CEP83: variants seen among roughly 807,000 people sequenced by gnomAD.
The protein encoded by CEP83 is centrosomal protein of 83 kDa.
Under a neutral mutation model 101.9 loss-of-function variants are expected in CEP83, and 70 were observed. The ratio of observed to expected loss-of-function variants is 0.69; its 90% confidence interval spans 0.57 to 0.84. CEP83 has a LOEUF of 0.84. Ranked by LOEUF, CEP83 falls within the 40% of genes least tolerant of loss-of-function variation. The pLI, the probability that CEP83 is intolerant of heterozygous loss-of-function variation, is 0.00. For synonymous variants in CEP83, 264 were observed against 267.9 expected, an observed-to-expected ratio of 0.99 and a Z score of 0.14; for missense variants, 715 against 787.2, an observed-to-expected ratio of 0.91 and a Z score of 1.10.
chr12:94,404,759 TAA>T (rs1209633535), intron 4 of CEP83, among the ~76,000 whole-genome samples: 4 of 152,218 alleles, frequency 2.6e-5, no homozygotes, highest in Non-Finnish European at 2.9e-5. Context: ...AACAAAAGAC[TAA>T]AAAGTCTTCT....
chr12:94,333,652 GA>G lies in CEP83; in HGVS notation c.1420-14del, dbSNP rs753878262. 2 of 1,608,054 alleles carry G rather than the reference GA, an allele frequency of 1.2e-6. No homozygotes were observed. The highest frequency in any genetic ancestry group is 1.7e-5 in the Admixed American group (1 of 58,658). On this transcript the variant is annotated splice_polypyrimidine_tract_variant and intron_variant, in intron 12 of 16. Coordinates refer to ENST00000397809, the MANE Select transcript of CEP83 (RefSeq NM_016122.3). ...AACTACTGATTTGCTTAAAAGAGAA[GA>G]AAGAAGATAAATTAAAGCCCACTAA...
intron 6 of CEP83, among the ~76,000 whole-genome samples, chr12:94,386,242 T>C (rs921877088): frequency 1.3e-5 from 2 of 152,212 alleles, no homozygotes; most frequent in Admixed American, 6.5e-5. Context: ...CCTTCTGAGA[T>C]TTCTACTCAA....
chr12:94,287,787 T>G, the CEP83 span, among the ~76,000 whole-genome samples: 5 of 152,248 alleles, frequency 3.3e-5, no homozygotes, highest in Non-Finnish European at 5.9e-5. Context: ...GCTAAAGGTC[T>G]GTTGCAGTGT....
At chr12:94,375,004 T>C (rs1340259775) in intron 8 of CEP83, among the ~76,000 whole-genome samples, 2 of 152,222 alleles carry the variant, frequency 1.3e-5, no homozygotes, top group East Asian at 1.9e-4. Flanking sequence ...ATCATGCTGC[T>C]ACTACTAATT....
the CEP83 span, among the ~76,000 whole-genome samples, chr12:94,295,580 T>C: frequency 6.6e-6 from 1 of 152,254 alleles, no homozygotes; most frequent in Non-Finnish European, 1.5e-5. Context: ...AGAGCCACCG[T>C]CTTACACCCT....
intron 11 of CEP83, among the ~76,000 whole-genome samples, chr12:94,364,877 A>T (rs2060943864): frequency 6.6e-6 from 1 of 152,206 alleles, no homozygotes; most frequent in African/African-American, 2.4e-5. Flanking sequence ...ATACACTTCA[A>T]ATAGATCAGA....
chr12:94,429,981 C>A (rs1199909501), intron 2 of CEP83, among the ~76,000 whole-genome samples: 1 of 152,220 alleles, frequency 6.6e-6, no homozygotes, highest in Non-Finnish European at 1.5e-5. Context: ...CCTCTCACAA[C>A]ATGAACATTG....
intron 14 of CEP83, among the ~76,000 whole-genome samples, chr12:94,319,679 A>C (rs543905148): frequency 8.9e-4 from 135 of 152,242 alleles, no homozygotes; most frequent in African/African-American, 3.2e-3. Flanking sequence ...GTTTTGAGCA[A>C]TTATATTTTT....
the CEP83 span, among the ~76,000 whole-genome samples, chr12:94,295,578 C>T: frequency 1.3e-5 from 2 of 152,220 alleles, no homozygotes; most frequent in South Asian, 2.1e-4. Context: ...TGAGAGCCAC[C>T]GTCTTACACC....
rs142067897 is a variant in CEP83 at position 94,390,340 on chromosome 12, G to A, written c.549+10510C>T. Reference sequence around the variant, plus strand: ...GTGATACCCAGGCAAACAGGGTCTGGAGTGGAACTCCCGCAAGCTCCAACA... The same window carrying A: ...GTGATACCCAGGCAAACAGGGTCTGAAGTGGAACTCCCGCAAGCTCCAACA... On this transcript the variant is annotated intron_variant, in intron 6 of 16. Coordinates refer to ENST00000397809, the MANE Select transcript of CEP83 (RefSeq NM_016122.3). 5.7e-3 allele frequency among the ~76,000 whole-genome samples: 875 copies of A among 152,314 alleles called. 7 individuals carry two copies. The highest frequency in any genetic ancestry group is 0.02 in the African/African-American group (813 of 41,556).
chr12:94,406,349 AAACAAC>A (rs201551331), intron 4 of CEP83, among the ~76,000 whole-genome samples: 130 of 151,594 alleles, frequency 8.6e-4, no homozygotes, highest in African/African-American at 1.7e-3. Flanking sequence ...AACAAAACAA[AAACAAC>A]AACAACAACA....
chr12:94,411,332 T>G (rs1423499857), intron 4 of CEP83, among the ~76,000 whole-genome samples: 1 of 152,140 alleles, frequency 6.6e-6, no homozygotes, highest in Non-Finnish European at 1.5e-5. Context: ...ATAGCTGTCC[T>G]TTTTTAGCTT....
Position 94,378,829 on chromosome 12 carries a change from G to A in CEP83, c.763C>T (p.Gln255Ter), listed in dbSNP as rs752677848. Residue 255 changes from glutamine to a stop codon, truncating the protein, a stop_gained, in exon 7 of 17, where the codon CAG becomes TAG. Coordinates refer to ENST00000397809, the MANE Select transcript of CEP83 (RefSeq NM_016122.3). LOFTEE classifies it high-confidence loss of function. ...ACTGTAGCCTGCATCTCAGCCAACT[G>A]CCGCACCTGTATTCTTTGGGCATTT... ...VENAQRIQVR[Q>*]LAEMQATVRS... 6.2e-6 allele frequency: 10 copies of A among 1,613,896 alleles called. No individual in the cohort carries two copies. Among genetic ancestry groups the A allele is most frequent in the Non-Finnish European group, 1.7e-6 (2 of 1,179,962 alleles).
At chr12:94,309,843 T>G in intron 16 of CEP83, 75 bp downstream of exon 16, 1 of 996,192 alleles carries the variant, frequency 1.0e-6, no homozygotes, top group Non-Finnish European at 1.4e-6. Flanking sequence ...AATTTGAGTT[T>G]TATCACCATA....
the CEP83 span, among the ~76,000 whole-genome samples, chr12:94,276,660 TAATC>T: frequency 2.6e-5 from 4 of 152,304 alleles, no homozygotes; most frequent in Admixed American, 2.0e-4. Context: ...ATGGGAATAA[TAATC>T]CAGGAAACAT....
rs756291523 is a variant in CEP83, at chr12:94,378,807, G to A, written c.785C>T (p.Thr262Ile). Residue 262 changes from threonine (T) to isoleucine (I), a missense_variant, in exon 7 of 17, where the codon ACA (threonine) becomes ATA (isoleucine). By Grantham distance (89) the Thr-to-Ile change is moderately conservative. Transcript: ENST00000397809. Reference protein sequence around the residue: ...QVRQLAEMQATVRSLEAEKQS... With the variant: ...QVRQLAEMQAIVRSLEAEKQS... The stretch of plus-strand genomic sequence containing the variant: ...GAATCTTACCTCCAGGGATCTGACT[G>A]TAGCCTGCATCTCAGCCAACTGCCG... The A allele has an allele frequency of 8.1e-6, 13 of 1,614,024 alleles. No individual in the cohort carries two copies. Among genetic ancestry groups the A allele is most frequent in the Non-Finnish European group, 1.1e-5 (13 of 1,179,944 alleles).
chr12:94,267,205 T>C, the CEP83 span, among the ~76,000 whole-genome samples: 2 of 152,158 alleles, frequency 1.3e-5, no homozygotes, highest in South Asian at 2.1e-4. Flanking sequence ...ATTTCAGTCA[T>C]GAGACAACAC....
At chr12:94,293,353 A>C in the CEP83 span, among the ~76,000 whole-genome samples, 2 of 152,246 alleles carry the variant, frequency 1.3e-5, no homozygotes, top group South Asian at 2.1e-4. Context: ...GGTAGATACC[A>C]ACTTTATATA....
chr12:94,307,295 T>C (rs935718338), downstream of CEP83: 3 of 152,216 alleles, frequency 2.0e-5, no homozygotes, highest in African/African-American at 7.2e-5. Context: ...CACTAATGTA[T>C]GTAGCGTGTT....
Sources: gnomAD v4.1 joint callset for allele counts (sites outside exome capture counted in the v4.1 genomes callset) on GRCh38, gnomAD v4.1.1 for gene constraint, MANE v1.5 for transcripts, NCBI Gene and HGNC (gene_info 2026-07-23, HGNC 2026-07-21) for gene names.